The following ZNF518A variants were observed in gnomAD, a reference collection of about 807,000 sequenced individuals.
ZNF518A encodes zinc finger protein 518A.
A neutral mutation model predicts 102.7 loss-of-function variants in ZNF518A; 47 were observed. That is an observed-to-expected ratio of 0.46 (90% CI 0.36 to 0.58). The LOEUF is 0.58. Ranked by LOEUF, ZNF518A falls within the 20% of genes least tolerant of loss-of-function variation. ZNF518A has a pLI of 0.00. For missense variants in ZNF518A, 1,793 were observed against 1,699.8 expected (o/e 1.05, Z -0.96); for synonymous variants, 652 against 594.6 (o/e 1.10, Z -1.40).
chr10:96,164,119 T>C (rs1412074022), downstream of ZNF518A, among the ~76,000 whole-genome samples: 3 of 152,260 alleles, frequency 2.0e-5, no homozygotes, highest in Admixed American at 2.0e-4. Flanking sequence ...GACTTAGATA[T>C]TCTTTCAGTG....
At chr10:96,132,054 C>T (rs1331859311) in intron 1 of ZNF518A, among the ~76,000 whole-genome samples, 2 of 151,058 alleles carry the variant, frequency 1.3e-5, no homozygotes, top group African/African-American at 2.4e-5. Context: ...TTGAATCTTG[C>T]CCACATTCCT....
rs146158599 is a variant in ZNF518A at position 96,196,823 on chromosome 10, C to A, written n.36-6751C>A. The A allele has an allele frequency of 5.7e-3, 7,762 of 1,354,760 alleles. 66 individuals carry two copies. The highest frequency in any genetic ancestry group is 0.016 in the Middle Eastern group (87 of 5,458). The allele number at this position is 1,354,760 out of a possible 1,614,324, so 83.9% of individuals were successfully genotyped here. The stretch of plus-strand genomic sequence containing the variant: ...AACAAGTACTTTTGTATCCTTTCTC[C>A]TCATCTCTAGCATCTAATACAGTAT... On this transcript the variant is annotated intron_variant and non_coding_transcript_variant, in intron 1 of 2. Transcript: ENST00000442635.
intron 3 of ZNF518A, among the ~76,000 whole-genome samples, chr10:96,154,641 C>G (rs868911040): frequency 6.6e-6 from 1 of 151,048 alleles, no homozygotes; most frequent in Non-Finnish European, 1.5e-5. Context: ...TCAGATAATT[C>G]TTCTCAGCCT....
At chr10:96,147,268 GT>G (rs1180766362) in intron 3 of ZNF518A, among the ~76,000 whole-genome samples, 6 of 152,302 alleles carry the variant, frequency 3.9e-5, no homozygotes, top group Admixed American at 3.9e-4. Flanking sequence ...TGTCAGTGAC[GT>G]TTTTGGTGAT....
chr10:96,138,043 A>G (rs1328795906), intron 3 of ZNF518A, among the ~76,000 whole-genome samples: 9 of 152,166 alleles, frequency 5.9e-5, no homozygotes, highest in Non-Finnish European at 5.9e-5. Flanking sequence ...CAGAGAAAGC[A>G]TATCAGGATA....
In ZNF518A at chr10:96,158,753, C is replaced by A. The variant is rs2082838540; in HGVS notation, c.2431C>A (p.Leu811Ile). 1 of 1,613,204 alleles carries A rather than the reference C, an allele frequency of 6.2e-7. No homozygotes were observed. Among genetic ancestry groups the A allele is most frequent in the African/African-American group, 1.3e-5 (1 of 74,868 alleles). The change falls in exon 6 of 6, where the codon CTT becomes ATT. Residue 811 changes from leucine to isoleucine, a missense_variant. Physicochemically the swap from Leu to Ile is conservative, Grantham distance 5. Around this residue, in one of 3 missense-constraint regions of ZNF518A, gnomAD observed 1,741 missense variants for 1,622.6 expected, o/e 1.07. Transcript: ENST00000316045. Reference sequence around the variant, plus strand: ...TAACACTCCAAATAAAGGCTTGCCACTTCATTGTGACCAGTCATTTCAAAA... The same window carrying A: ...TAACACTCCAAATAAAGGCTTGCCAATTCATTGTGACCAGTCATTTCAAAA... ...SSNTPNKGLP[L>I]HCDQSFQKHE... is the part of the protein sequence containing the mutation.
chr10:96,146,498 C>T (rs2082180268), intron 3 of ZNF518A, among the ~76,000 whole-genome samples: 1 of 150,084 alleles, frequency 6.7e-6, no homozygotes, highest in Admixed American at 6.6e-5. Flanking sequence ...CAGAAGTTTT[C>T]TTGTTTTTAT....
downstream of ZNF518A, among the ~76,000 whole-genome samples, chr10:96,166,653 A>G (rs995905807): frequency 3.9e-5 from 6 of 152,204 alleles, no homozygotes; most frequent in Admixed American, 3.3e-4. Flanking sequence ...CTGTAGTCCC[A>G]CTACTCGAGA....
rs1349135772 is a variant in ZNF518A, at chr10:96,155,978, G to C, written c.-196G>C. 2 of 158,848 alleles carry C rather than the reference G, an allele frequency of 1.3e-5. No homozygotes were observed. The highest frequency in any genetic ancestry group is 4.8e-5 in the African/African-American group (2 of 41,582). 9.8% of individuals were successfully genotyped at this position (158,848 alleles called of 1,614,324 possible). On this transcript the variant is annotated 5_prime_UTR_variant, in exon 5 of 6. Coordinates refer to ENST00000316045, the MANE Select transcript of ZNF518A (RefSeq NM_001330736.2). ...AGTTTTCCCAAGGTCACACAGCAGA[G>C]CTGGAACTAGAGCTTGCATTTCCTG...
intron 1 of ZNF518A, among the ~76,000 whole-genome samples, chr10:96,183,467 C>T (rs192377930): frequency 1.3e-5 from 2 of 152,294 alleles, no homozygotes; most frequent in Non-Finnish European, 2.9e-5. Context: ...ATAAATTTCC[C>T]TCTACGCACT....
At chr10:96,172,625 A>T (rs2083180292) in intron 1 of ZNF518A, among the ~76,000 whole-genome samples, 1 of 152,096 alleles carries the variant, frequency 6.6e-6, no homozygotes, top group African/African-American at 2.4e-5. Flanking sequence ...ATTTATCTGA[A>T]ATAGATTCTG....
At chr10:96,139,420 T>G (rs781871171) in intron 3 of ZNF518A, among the ~76,000 whole-genome samples, 3 of 152,032 alleles carry the variant, frequency 2.0e-5, no homozygotes, top group Non-Finnish European at 2.9e-5. Context: ...TGAATGGAAT[T>G]AGTACCCTTA....
At chr10:96,189,032 G>A (rs1326142561) in intron 1 of ZNF518A, among the ~76,000 whole-genome samples, 2 of 151,954 alleles carry the variant, frequency 1.3e-5, no homozygotes, top group Non-Finnish European at 2.9e-5. Flanking sequence ...TTTTTCAATA[G>A]AAACCATGCT....
At chr10:96,147,628 G>A (rs75001804) in intron 3 of ZNF518A, among the ~76,000 whole-genome samples, 7,264 of 152,252 alleles carry the variant, frequency 0.048, 250 homozygotes, top group Middle Eastern at 0.082. Context: ...GCCAGAATTC[G>A]AAGGTATTGC....
At chr10:96,186,084 A>C (rs1554892530) in intron 1 of ZNF518A, among the ~76,000 whole-genome samples, 1 of 152,176 alleles carries the variant, frequency 6.6e-6, no homozygotes, top group Non-Finnish European at 1.5e-5. Context: ...GGAAAAGTGC[A>C]CTATTTGGAT....
rs941703741 is a variant in ZNF518A at position 96,130,456 on chromosome 10, G to A, written c.-749G>A. ...CATTCTAGGAGCTGGGTGGGAGTAGGAGACGGTGTGCCTCCGCGCTCCCCG... is the reference window on the plus strand; with the variant it reads ...CATTCTAGGAGCTGGGTGGGAGTAGAAGACGGTGTGCCTCCGCGCTCCCCG... On this transcript the variant is annotated 5_prime_UTR_variant, in exon 1 of 6. Transcript: ENST00000316045. Among the ~76,000 whole-genome samples the A allele has an allele frequency of 5.9e-5, 9 of 152,382 alleles. No individual in the cohort carries two copies. The South Asian group carries it at 1.9e-3, about 32-fold the overall frequency.
intron 1 of ZNF518A, among the ~76,000 whole-genome samples, chr10:96,131,102 A>T (rs1554871599): frequency 1.3e-5 from 2 of 152,236 alleles, no homozygotes; most frequent in African/African-American, 4.8e-5. Flanking sequence ...AACGTCTAAA[A>T]AACCCTAGAA....
At chr10:96,191,350 T>C (rs2083326871) in intron 1 of ZNF518A, among the ~76,000 whole-genome samples, 1 of 151,488 alleles carries the variant, frequency 6.6e-6, no homozygotes, top group African/African-American at 2.4e-5. Context: ...TTGATAGACA[T>C]GTAGATCAAA....
At chr10:96,145,988 A>G (rs1336260084) in intron 3 of ZNF518A, among the ~76,000 whole-genome samples, 1 of 152,210 alleles carries the variant, frequency 6.6e-6, no homozygotes, top group Non-Finnish European at 1.5e-5. Context: ...GATCACTAGG[A>G]ACATTTTTGT....
Sources: allele counts gnomAD v4.1 joint callset (sites outside exome capture counted in the v4.1 genomes callset), GRCh38; gene constraint gnomAD v4.1.1; regional missense constraint gnomAD v4.1.1; transcripts MANE v1.5; gene names NCBI Gene and HGNC (gene_info 2026-07-23, HGNC 2026-07-21).